MYO15A: variants seen among roughly 807,000 people sequenced by gnomAD.
The protein encoded by MYO15A is unconventional myosin-XV.
Under a neutral mutation model 394.6 loss-of-function variants are expected in MYO15A, and 308 were observed. The observed-to-expected ratio is 0.78, with a 90% CI of 0.71 to 0.86. The LOEUF is 0.86. Among genes scored for constraint, MYO15A ranks in the 40% least tolerant of loss-of-function variants. The pLI, the probability that MYO15A is intolerant of heterozygous loss-of-function variation, is 0.00. For synonymous variants in MYO15A, 1,957 were observed against 2,003.8 expected, an observed-to-expected ratio of 0.98 and a Z score of 0.62; for missense variants, 4,606 against 4,799.1, an observed-to-expected ratio of 0.96 and a Z score of 1.19.
chr17:18,125,013 G>T, intron 3 of MYO15A, 155 bp from the exon 4 acceptor site: 1 of 743,844 alleles, frequency 1.3e-6, no homozygotes, highest in Non-Finnish European at 2.4e-6. Flanking sequence ...ACAGAATAGG[G>T]AAGTAATTTG....
intron 19 of MYO15A, among the ~76,000 whole-genome samples, chr17:18,140,265 A>C (rs1384314251): frequency 2.0e-5 from 3 of 152,222 alleles, no homozygotes; most frequent in African/African-American, 7.2e-5. Flanking sequence ...CCAGGCACAC[A>C]GTCAGTAACT....
Position 18,121,137 on chromosome 17 carries a change from G to A in MYO15A, c.2337G>A (p.Ser779=), listed in dbSNP as rs978630834. 1.3e-6 allele frequency: 2 copies of A among 1,509,776 alleles called. No homozygotes were observed. The highest frequency in any genetic ancestry group is 1.8e-6 in the Non-Finnish European group (2 of 1,134,772). 93.5% of individuals were successfully genotyped at this position (1,509,776 alleles called of 1,614,324 possible). The change falls in exon 2 of 66, where the codon TCG becomes TCA. Residue 779 remains serine, a synonymous_variant. Coordinates refer to ENST00000647165, the MANE Select transcript of MYO15A (RefSeq NM_016239.4). This position sits in a 1 kb window ranked among gnomAD's most constrained non-coding sequence, Gnocchi z 5.3. ...AWSPLASPQP[S]LRSSPGLGYC... ...CACCGCTGGCCTCGCCCCAGCCCTC[G>A]CTGAGGAGCTCGCCGGGCCTCGGCT... is the stretch of plus-strand genomic sequence containing the variant.
At chr17:18,123,533 TGGTGTCCTCTTTCCTCGCCTGCTCAG>T (rs1665183696) in intron 2 of MYO15A, 1 of 152,370 alleles carries the variant, frequency 6.6e-6, no homozygotes, top group Non-Finnish European at 1.5e-5. Context: ...GGTTCCTTCC[TGGTGTCCTCTTTCCTCGCCTGCTCAG>T]GGTGCAGCTG....
rs776307761 is a variant in MYO15A, at chr17:18,149,572, G to C, written c.7204G>C (p.Gly2402Arg). The change falls in exon 35 of 66, where the codon GGG becomes CGG. Residue 2402 changes from glycine (G) to arginine (R), a missense_variant. Around this residue, in one of 2 missense-constraint regions of MYO15A, gnomAD observed 2,776 missense variants for 3,109.3 expected, o/e 0.89. Transcript: ENST00000647165. ...DSLFDPVLSY[G>R]DADLEKPTAI... is the part of the protein sequence containing the mutation. ...CCTCTTTGACCCTGTGCTGTCCTAC[G>C]GGGATGCGGTAGGGATGGTGTGGGG... 1 of 1,613,950 alleles carries C rather than the reference G, an allele frequency of 6.2e-7. No individual in the cohort carries two copies. Among genetic ancestry groups the C allele is most frequent in the Admixed American group, 1.7e-5 (1 of 60,020 alleles).
rs1010213694 is a variant in MYO15A, at chr17:18,120,011, A to G, written c.1211A>G (p.Glu404Gly). ...PPEVPYFYPE[E>G]SASAFVYPWV... Reference sequence around the variant, plus strand: ...GAGGTGCCCTATTTTTACCCGGAGGAGTCGGCTTCGGCCTTTGTGTACCCC... The same window carrying G: ...GAGGTGCCCTATTTTTACCCGGAGGGGTCGGCTTCGGCCTTTGTGTACCCC... Residue 404 changes from glutamate (E) to glycine (G), a missense_variant, in exon 2 of 66, where the codon GAG becomes GGG. Coordinates refer to ENST00000647165, the MANE Select transcript of MYO15A (RefSeq NM_016239.4). 6.2e-7 allele frequency: 1 copy of G among 1,613,632 alleles called. No individual in the cohort carries two copies. The highest frequency in any genetic ancestry group is 8.5e-7 in the Non-Finnish European group (1 of 1,180,004).
rs2046613887 is a variant in MYO15A at position 18,153,229 on chromosome 17, C to A, written c.7967-546C>A. On this transcript the variant is annotated intron_variant, in intron 42 of 65. Coordinates refer to ENST00000647165, the MANE Select transcript of MYO15A (RefSeq NM_016239.4). This position sits in a 1 kb window ranked among gnomAD's most constrained non-coding sequence, Gnocchi z 4.1. ...CCATCCTGGCCAATATGGTGAAACC[C>A]CTTCTCTGCTAAAAACACAAAAATT... Among the ~76,000 whole-genome samples, 1 of 151,358 alleles carries A rather than the reference C, an allele frequency of 6.6e-6. No homozygotes were observed. Among genetic ancestry groups the A allele is most frequent in the South Asian group, 2.1e-4 (1 of 4,794 alleles).
chr17:18,156,108 G>A, intron 47 of MYO15A, 87 bp from the exon 48 acceptor site: 1 of 1,602,550 alleles, frequency 6.2e-7, no homozygotes, highest in Non-Finnish European at 8.5e-7. Flanking sequence ...GGCTTCAAAT[G>A]GGGCAGGACA....
Position 18,147,917 on chromosome 17 carries a change from GC to G in MYO15A, c.6510-110del, listed in dbSNP as rs1435980718. On this transcript the variant is annotated intron_variant, in intron 30 of 65. Coordinates refer to ENST00000647165, the MANE Select transcript of MYO15A (RefSeq NM_016239.4). This position sits in a 1 kb window ranked among gnomAD's most constrained non-coding sequence, Gnocchi z 4.4. ...AGCCTCACCTTGGAGCTCTGGAGTA[GC>G]CTGGGCCTTTCTCAGACTAGCCTCA... 3 of 1,359,106 alleles carry G rather than the reference GC, an allele frequency of 2.2e-6. No individual in the cohort carries two copies. In the African/African-American group the frequency reaches 4.3e-5, roughly 19 times the overall value. The allele number at this position is 1,359,106 out of a possible 1,614,324, so 84.2% of individuals were successfully genotyped here.
chr17:18,149,368 C>A lies in MYO15A; in HGVS notation c.7109C>A (p.Thr2370Asn), dbSNP rs763553094. The change falls in exon 34 of 66, where the codon ACC becomes AAC. Residue 2370 changes from threonine (T) to asparagine (N), a missense_variant. Transcript: ENST00000647165. ...ACTGAGGCCCAAAGAGGGACAGCAA[C>A]CCACCAAGGTCAACCAACAATGGCT... is the stretch of plus-strand genomic sequence containing the variant. ...GETEAQRGTA[T>N]HQESDSLGEP... 3.1e-6 allele frequency: 5 copies of A among 1,606,746 alleles called. No homozygotes were observed. In the Admixed American group the frequency reaches 6.8e-5, roughly 22 times the overall value.
At chr17:18,135,156 G>A (rs922928327) in intron 12 of MYO15A, among the ~76,000 whole-genome samples, 1 of 151,774 alleles carries the variant, frequency 6.6e-6, no homozygotes, top group African/African-American at 2.4e-5. Flanking sequence ...ATGAGCCACC[G>A]TGCCCAGCCT....
Position 18,159,298 on chromosome 17 carries a change from C to A in MYO15A, c.9180C>A (p.Ile3060=). The A allele has an allele frequency of 6.2e-7, 1 of 1,614,196 alleles. No homozygotes were observed. Among genetic ancestry groups the A allele is most frequent in the Non-Finnish European group, 8.5e-7 (1 of 1,180,040 alleles). The change falls in exon 54 of 66, where the codon ATC becomes ATA. Residue 3060 remains isoleucine, a synonymous_variant. Coordinates refer to ENST00000647165, the MANE Select transcript of MYO15A (RefSeq NM_016239.4). ...AGACTCCCCTCCAGGAATCCCTCAT[C>A]GAACTCAGCGACAGCAGCCTCAGCA... ...FTKTPLQESL[I]ELSDSSLSKM...
chr17:18,119,542 C>A lies in MYO15A; in HGVS notation c.742C>A (p.Arg248=). ...YHRDGDDYYD[R]QSLHRYEEQE... is the part of the protein sequence containing the mutation. ...CCGCGACGGCGACGACTACTACGAC[C>A]GGCAGTCACTCCACCGCTACGAGGA... Residue 248 remains arginine (R), a synonymous_variant, in exon 2 of 66, where the codon CGG becomes AGG. Coordinates refer to ENST00000647165, the MANE Select transcript of MYO15A (RefSeq NM_016239.4). The A allele has an allele frequency of 6.2e-7, 1 of 1,608,904 alleles. No individual in the cohort carries two copies. Among genetic ancestry groups the A allele is most frequent in the South Asian group, 1.1e-5 (1 of 91,078 alleles).
At chr17:18,149,905 A>T in intron 35 of MYO15A, 2 of 353,214 alleles carry the variant, frequency 5.7e-6, no homozygotes, top group Non-Finnish European at 1.1e-5. Flanking sequence ...GTGAGCTGTG[A>T]TTGCACCACT....
Position 18,150,846 on chromosome 17 carries a change from TGACCC to T in MYO15A, c.7407_7411del (p.Met2469IlefsTer97), listed in dbSNP as rs1246631690. ...GCCACCTCTCCCCAGGCCCGGGAGA[TGACCC>T]TGCAGGCCACGGCACTCCAGCAGCA... On this transcript the variant is annotated frameshift_variant, in exon 38 of 66. Transcript: ENST00000647165. LOFTEE classifies it high-confidence loss of function. This position sits in a 1 kb window ranked among gnomAD's most constrained non-coding sequence, Gnocchi z 4.4. 1 of 1,595,498 alleles carries T rather than the reference TGACCC, an allele frequency of 6.3e-7. No individual in the cohort carries two copies. The highest frequency in any genetic ancestry group is 2.3e-5 in the East Asian group (1 of 43,860).
chr17:18,148,132 A>G lies in MYO15A; in HGVS notation c.6613A>G (p.Thr2205Ala). 1.2e-6 allele frequency: 2 copies of G among 1,613,626 alleles called. No homozygotes were observed. Among genetic ancestry groups the G allele is most frequent in the Non-Finnish European group, 1.7e-6 (2 of 1,179,980 alleles). Residue 2205 changes from threonine (T) to alanine (A), a missense_variant, in exon 31 of 66, where the codon ACC becomes GCC. Thr to Ala is a moderately conservative substitution (Grantham distance 58, BLOSUM62 0). Transcript: ENST00000647165. The surrounding 1 kb of genome is among the most constrained non-coding windows in gnomAD (Gnocchi z 4.8). ...ACAGCAGGGCTCGGGGGCTGCCCGC[A>G]CCTTACCCCCGACCCAGCTCGAGTG... is the stretch of plus-strand genomic sequence containing the variant. ...AQQQGSGAARTLPPTQLEWTA... is the reference protein window; with the variant it reads ...AQQQGSGAARALPPTQLEWTA...
chr17:18,152,770 C>G (rs2046605812), intron 42 of MYO15A, among the ~76,000 whole-genome samples: 1 of 152,218 alleles, frequency 6.6e-6, no homozygotes, highest in South Asian at 2.1e-4. Flanking sequence ...ACACTCCAAG[C>G]CCACTCCTGC....
chr17:18,145,900 T>C lies in MYO15A; in HGVS notation c.6302T>C (p.Leu2101Pro), dbSNP rs201908493. 32 of 1,613,488 alleles carry C rather than the reference T, an allele frequency of 2.0e-5. No individual in the cohort carries two copies. The African/African-American group carries it at 4.1e-4, about 21-fold the overall frequency. The change falls in exon 30 of 66, where the codon CTG becomes CCG. Residue 2101 changes from leucine to proline, a missense_variant. Physicochemically the swap from Leu to Pro is moderately conservative, Grantham distance 98. Transcript: ENST00000647165. ...LILRFMGDPH[L>P]HGARENIFGN... ...CTGCGCTTCATGGGCGACCCCCACC[T>C]GCATGGTGCCCGGGAGAACATCTTC...
At chr17:18,135,520 T>A (rs957244957) in intron 12 of MYO15A, among the ~76,000 whole-genome samples, 191 bp from the exon 13 acceptor site, 2 of 152,040 alleles carry the variant, frequency 1.3e-5, no homozygotes, top group South Asian at 2.1e-4. Flanking sequence ...TTTGTATTTT[T>A]AGTAGAGACG....
At chr17:18,126,667 C>T in intron 5 of MYO15A, 124 bp from the exon 6 acceptor site, 1 of 1,241,756 alleles carries the variant, frequency 8.1e-7, no homozygotes, top group Non-Finnish European at 1.2e-6. Flanking sequence ...TGGGAGCATT[C>T]CCCCAACAGG....
Sources: allele counts gnomAD v4.1 joint callset (sites outside exome capture counted in the v4.1 genomes callset), GRCh38; gene constraint gnomAD v4.1.1; regional missense constraint gnomAD v4.1.1; non-coding constraint Gnocchi (gnomAD v3.1); transcripts MANE v1.5; gene names NCBI Gene and HGNC (gene_info 2026-07-23, HGNC 2026-07-21).